Variants in ADGRL2 observed in about 807,000 individuals in gnomAD.
ADGRL2 encodes the protein adhesion G protein-coupled receptor L2.
A neutral mutation model predicts 157.4 loss-of-function variants in ADGRL2; 44 were observed. The ratio of observed to expected loss-of-function variants is 0.28; its 90% CI spans 0.22 to 0.36. ADGRL2 has a LOEUF of 0.36. Among genes scored for constraint, ADGRL2 ranks in the 10% least tolerant of loss-of-function variants. The pLI is 1.00. For missense variants in ADGRL2, 1,510 were observed against 1,768.9 expected (o/e 0.85, Z 2.63); for synonymous variants, 585 against 624.7 (o/e 0.94, Z 0.95).
chr1:81,360,018 C>T (rs766301382), intron 1 of ADGRL2, among the ~76,000 whole-genome samples: 9 of 151,946 alleles, frequency 5.9e-5, no homozygotes, highest in Non-Finnish European at 1.2e-4. Flanking sequence ...TTAAAACAAT[C>T]GAATTGTGTC....
chr1:81,384,940 C>A (rs981262608), intron 1 of ADGRL2, among the ~76,000 whole-genome samples: 1 of 152,074 alleles, frequency 6.6e-6, no homozygotes, highest in African/African-American at 2.4e-5. Flanking sequence ...TATGAAACAA[C>A]GACTTTATCT....
rs111487318 is a variant in ADGRL2, at chr1:81,659,093, G to T, written c.-143+78113G>T. On this transcript the variant is annotated intron_variant, in intron 3 of 24. Coordinates refer to the ADGRL2 transcript ENST00000370721. Reference sequence around the variant, plus strand: ...TTTTTTTTTTTTGAGACAGAGTCTCGCTCTGTCATCCAGGCTGGAGTGCAA... The same window carrying T: ...TTTTTTTTTTTTGAGACAGAGTCTCTCTCTGTCATCCAGGCTGGAGTGCAA... 1.3e-4 allele frequency among the ~76,000 whole-genome samples: 14 copies of T among 104,232 alleles called. No homozygotes were observed. In the Admixed American group the frequency reaches 1.9e-3, roughly 14 times the overall value. The allele number at this position is 104,232 out of a possible 152,430, so 68.4% of individuals were successfully genotyped here.
At chr1:81,822,120 G>A (rs1465072277) in intron 1 of ADGRL2, among the ~76,000 whole-genome samples, 1 of 143,692 alleles carries the variant, frequency 7.0e-6, no homozygotes, top group Non-Finnish European at 1.5e-5. Flanking sequence ...GCCCACAATT[G>A]GCTGTTGAAC....
rs1337659607 is a variant in ADGRL2, at chr1:81,403,227, TG to T, written c.-301-41808del. Among the ~76,000 whole-genome samples, 6 of 53,616 alleles carry T rather than the reference TG, an allele frequency of 1.1e-4. No individual in the cohort carries two copies. The East Asian group carries it at 3.8e-3, about 34-fold the overall frequency. 35.2% of individuals were successfully genotyped at this position (53,616 alleles called of 152,430 possible). A position where few individuals can be genotyped will look rare whatever the true frequency, so the allele number is the denominator to read the frequency against. ...TTGGAATGTACGTAACACTTTTCCT[TG>T]TTTTTTTTTTGTTGTTGTTTGTTTG... On this transcript the variant is annotated intron_variant, in intron 1 of 24. Transcript: ENST00000370721.
intron 2 of ADGRL2, among the ~76,000 whole-genome samples, chr1:81,773,283 C>T (rs1433529678): frequency 1.3e-5 from 2 of 152,196 alleles, no homozygotes; most frequent in Non-Finnish European, 2.9e-5. Context: ...CTGTAACTTG[C>T]AGCCAAAATG....
intron 3 of ADGRL2, among the ~76,000 whole-genome samples, chr1:81,907,939 G>A (rs572731891): frequency 9.2e-4 from 140 of 152,242 alleles, no homozygotes; most frequent in African/African-American, 3.3e-3. Flanking sequence ...GATGAACTGC[G>A]TGTACCATGG....
At chr1:81,636,651 G>A (rs1006871475) in intron 3 of ADGRL2, among the ~76,000 whole-genome samples, 1 of 151,984 alleles carries the variant, frequency 6.6e-6, no homozygotes, top group Non-Finnish European at 1.5e-5. Flanking sequence ...AACTGAGCTC[G>A]CCAGAACCAT....
chr1:81,523,385 T>C (rs1011098237), intron 2 of ADGRL2, among the ~76,000 whole-genome samples: 1 of 151,980 alleles, frequency 6.6e-6, no homozygotes, highest in Non-Finnish European at 1.5e-5. Context: ...CTATAAAGCT[T>C]CAATAATTAA....
At chr1:81,542,734 G>A (rs2079915360) in intron 2 of ADGRL2, among the ~76,000 whole-genome samples, 1 of 152,128 alleles carries the variant, frequency 6.6e-6, no homozygotes, top group South Asian at 2.1e-4. Flanking sequence ...GCTATTGAAT[G>A]CCTAGTTAAT....
chr1:81,362,884 TG>T (rs2076003485), intron 1 of ADGRL2, among the ~76,000 whole-genome samples: 1 of 152,038 alleles, frequency 6.6e-6, no homozygotes. Context: ...ACATGCAGGT[TG>T]TTTTCTGCTT....
At chr1:81,603,464 T>G (rs2148642519) in intron 3 of ADGRL2, among the ~76,000 whole-genome samples, 1 of 152,170 alleles carries the variant, frequency 6.6e-6, no homozygotes, top group African/African-American at 2.4e-5. Flanking sequence ...CTTTCATGAC[T>G]AAATCAATCT....
chr1:81,491,085 G>A (rs1302153511), intron 2 of ADGRL2, among the ~76,000 whole-genome samples: 1 of 152,024 alleles, frequency 6.6e-6, no homozygotes, highest in Admixed American at 6.6e-5. Flanking sequence ...ATGTCGCCTT[G>A]GGGGATTAAA....
At chr1:81,691,880 G>GTATATATATATATATA (rs58043778) in intron 3 of ADGRL2, among the ~76,000 whole-genome samples, 9 of 119,876 alleles carry the variant, frequency 7.5e-5, no homozygotes, top group Admixed American at 2.8e-4. Flanking sequence ...GTGTGTGTGT[G>GTATATATATATATATA]TATATATATA....
chr1:81,384,057 C>A (rs561524379), intron 1 of ADGRL2, among the ~76,000 whole-genome samples: 8 of 151,962 alleles, frequency 5.3e-5, no homozygotes, highest in African/African-American at 1.9e-4. Context: ...AGAAAAGGCA[C>A]AAACTCCACT....
intron 1 of ADGRL2, among the ~76,000 whole-genome samples, chr1:81,409,742 G>A (rs2076917743): frequency 6.6e-6 from 1 of 152,140 alleles, no homozygotes. Context: ...GTAAATCCAT[G>A]CAAACAAAAT....
chr1:81,578,790 A>G (rs1272350153), intron 2 of ADGRL2, among the ~76,000 whole-genome samples: 1 of 152,194 alleles, frequency 6.6e-6, no homozygotes, highest in Admixed American at 6.5e-5. Context: ...TGGTTAGCTA[A>G]CCAAAGTGAT....
intron 2 of ADGRL2, among the ~76,000 whole-genome samples, chr1:81,465,515 C>A (rs79121452): frequency 0.059 from 8,930 of 151,896 alleles, 303 homozygotes; most frequent in Admixed American, 0.095. Context: ...TGTTTTTAAG[C>A]TGCAAGTGTT....
intron 1 of ADGRL2, among the ~76,000 whole-genome samples, chr1:81,432,926 C>T (rs1476645272): frequency 2.0e-5 from 3 of 152,144 alleles, no homozygotes; most frequent in Non-Finnish European, 4.4e-5. Flanking sequence ...AAGAGCTAAA[C>T]TGAACTGTAA....
At chr1:81,766,880 C>A (rs1438849085) in intron 2 of ADGRL2, among the ~76,000 whole-genome samples, 1 of 149,176 alleles carries the variant, frequency 6.7e-6, no homozygotes, top group Non-Finnish European at 1.5e-5. Flanking sequence ...AAATGCAGAT[C>A]GTGAATACCC....
Sources: allele counts gnomAD v4.1 joint callset (sites outside exome capture counted in the v4.1 genomes callset), GRCh38; gene constraint gnomAD v4.1.1; transcripts MANE v1.5; gene names NCBI Gene and HGNC (gene_info 2026-07-23, HGNC 2026-07-21).